IMMP2L: variants seen among roughly 807,000 people sequenced by gnomAD.
IMMP2L encodes mitochondrial inner membrane protease subunit 2.
In IMMP2L, 18 loss-of-function variants were observed where a neutral mutation model predicts 19.3. The observed-to-expected ratio is 0.93, with a 90% CI of 0.64 to 1.38. The LOEUF is 1.38. Among genes scored for constraint, IMMP2L ranks in the 40% most tolerant of loss-of-function variants. IMMP2L has a pLI of 0.00. For missense variants in IMMP2L, 233 were observed against 218.2 expected (o/e 1.07, Z -0.43); for synonymous variants, 76 against 73.0 (o/e 1.04, Z -0.21).
At chr7:111,279,720 T>A (rs905733815) in intron 3 of IMMP2L, among the ~76,000 whole-genome samples, 22 of 152,110 alleles carry the variant, frequency 1.4e-4, no homozygotes, top group African/African-American at 4.1e-4. Context: ...TATAACCTCT[T>A]TTGCTTGAAG....
intron 3 of IMMP2L, among the ~76,000 whole-genome samples, chr7:111,369,002 G>A (rs1830041546): frequency 6.6e-6 from 1 of 151,838 alleles, no homozygotes; most frequent in Non-Finnish European, 1.5e-5. Context: ...TTATAGAAAG[G>A]ACCAAAGATT....
chr7:111,414,161 G>A (rs1277492725), intron 3 of IMMP2L, among the ~76,000 whole-genome samples: 11 of 151,706 alleles, frequency 7.3e-5, no homozygotes, highest in Non-Finnish European at 1.6e-4. Flanking sequence ...AGAGAATAAA[G>A]TACACTAGAA....
chr7:111,512,012 T>G (rs1220444265), intron 2 of IMMP2L, among the ~76,000 whole-genome samples: 1 of 152,082 alleles, frequency 6.6e-6, no homozygotes, highest in Non-Finnish European at 1.5e-5. Flanking sequence ...ACCATGCCAC[T>G]CAGCAACCCC....
intron 3 of IMMP2L, among the ~76,000 whole-genome samples, chr7:111,215,100 T>A (rs149262645): frequency 6.6e-6 from 1 of 152,296 alleles, no homozygotes; most frequent in African/African-American, 2.4e-5. Flanking sequence ...CATCACTCCT[T>A]ATATTTACCA....
intron 3 of IMMP2L, among the ~76,000 whole-genome samples, chr7:111,275,029 C>G (rs549844972): frequency 6.6e-6 from 1 of 152,278 alleles, no homozygotes; most frequent in South Asian, 2.1e-4. Context: ...CATTGACATT[C>G]TAATCTCGAG....
intron 3 of IMMP2L, among the ~76,000 whole-genome samples, chr7:110,994,870 A>T (rs540677222): frequency 6.6e-6 from 1 of 152,274 alleles, no homozygotes; most frequent in African/African-American, 2.4e-5. Context: ...CTGAGCTTCT[A>T]ATGATAGAAG....
At chr7:111,545,663 T>C (rs1368731499) in intron 1 of IMMP2L, among the ~76,000 whole-genome samples, 1 of 152,146 alleles carries the variant, frequency 6.6e-6, no homozygotes, top group Non-Finnish European at 1.5e-5. Context: ...ATACTGTGGA[T>C]AGTAACCCCT....
chr7:110,781,971 C>T (rs557202310), intron 5 of IMMP2L, among the ~76,000 whole-genome samples: 1 of 151,970 alleles, frequency 6.6e-6, no homozygotes, highest in African/African-American at 2.4e-5. Context: ...TAATTTAAAG[C>T]CTTTCCCTTT....
At chr7:110,892,792 A>G (rs1810939991) in intron 4 of IMMP2L, among the ~76,000 whole-genome samples, 1 of 152,170 alleles carries the variant, frequency 6.6e-6, no homozygotes, top group Non-Finnish European at 1.5e-5. Flanking sequence ...ATGAAATAGA[A>G]TTCGGCAATC....
chr7:111,463,276 T>C (rs1406296409), intron 3 of IMMP2L, among the ~76,000 whole-genome samples: 1 of 152,064 alleles, frequency 6.6e-6, no homozygotes, highest in African/African-American at 2.4e-5. Context: ...TTTAACTTGA[T>C]TACTTCTGTA....
Position 110,826,363 on chromosome 7 carries a change from T to C in IMMP2L, c.408+60230A>G, listed in dbSNP as rs550529888. 5.3e-5 allele frequency among the ~76,000 whole-genome samples: 8 copies of C among 152,300 alleles called. 1 individual carries two copies. The highest frequency in any genetic ancestry group is 5.2e-4 in the Admixed American group (8 of 15,288). On this transcript the variant is annotated intron_variant, in intron 5 of 5. Coordinates refer to ENST00000405709, the MANE Select transcript of IMMP2L (RefSeq NM_032549.4). Reference sequence around the variant, plus strand: ...TATATACCCAAAGGTGTATAAATCATGCTGCTATAAAGACACATGCACACA... The same window carrying C: ...TATATACCCAAAGGTGTATAAATCACGCTGCTATAAAGACACATGCACACA...
chr7:111,065,071 A>C (rs976780993), intron 3 of IMMP2L, among the ~76,000 whole-genome samples: 1 of 152,236 alleles, frequency 6.6e-6, no homozygotes, highest in South Asian at 2.1e-4. Context: ...ACAAGAAGGC[A>C]GTCATCAATA....
At chr7:111,040,309 G>A (rs1244557575) in intron 3 of IMMP2L, among the ~76,000 whole-genome samples, 2 of 152,116 alleles carry the variant, frequency 1.3e-5, no homozygotes, top group African/African-American at 2.4e-5. Flanking sequence ...ATATGGAGTT[G>A]CCAAAATGAC....
At chr7:111,433,508 A>G (rs953608182) in intron 3 of IMMP2L, among the ~76,000 whole-genome samples, 1 of 151,814 alleles carries the variant, frequency 6.6e-6, no homozygotes, top group African/African-American at 2.4e-5. Flanking sequence ...GTTATTCACT[A>G]CAATGAGAAC....
At chr7:111,033,092 C>T (rs1209463190) in intron 3 of IMMP2L, among the ~76,000 whole-genome samples, 1 of 152,098 alleles carries the variant, frequency 6.6e-6, no homozygotes. Context: ...TGCACTCCAG[C>T]CTGGGTGACA....
chr7:111,380,456 G>C (rs1831088775), intron 3 of IMMP2L, among the ~76,000 whole-genome samples: 1 of 151,910 alleles, frequency 6.6e-6, no homozygotes, highest in Non-Finnish European at 1.5e-5. Flanking sequence ...GGACATGAAA[G>C]GACTAGTGCT....
At chr7:111,342,965 T>A (rs1827174131) in intron 3 of IMMP2L, among the ~76,000 whole-genome samples, 1 of 152,048 alleles carries the variant, frequency 6.6e-6, no homozygotes, top group Non-Finnish European at 1.5e-5. Context: ...AAAATTTAAA[T>A]AACAGAATAA....
intron 3 of IMMP2L, among the ~76,000 whole-genome samples, chr7:111,328,384 T>C (rs1442969728): frequency 2.0e-5 from 3 of 151,784 alleles, no homozygotes; most frequent in African/African-American, 7.2e-5. Flanking sequence ...GAATGATACT[T>C]AGAAATGCAT....
chr7:111,362,063 AAC>A, intron 3 of IMMP2L, among the ~76,000 whole-genome samples: 1 of 152,066 alleles, frequency 6.6e-6, no homozygotes, highest in Non-Finnish European at 1.5e-5. Context: ...TTTTATATAA[AAC>A]TGTTATACCA....
Sources: allele counts gnomAD v4.1 joint callset (sites outside exome capture counted in the v4.1 genomes callset), GRCh38; gene constraint gnomAD v4.1.1; transcripts MANE v1.5; gene names NCBI Gene and HGNC (gene_info 2026-07-23, HGNC 2026-07-21).